Variants in VPS13D observed in about 807,000 individuals in gnomAD.
VPS13D encodes the protein intermembrane lipid transfer protein VPS13D.
Under a neutral mutation model 461.9 loss-of-function variants are expected in VPS13D, and 187 were observed. The observed-to-expected ratio is 0.40, with a 90% CI of 0.36 to 0.46. The LOEUF is 0.46. Ranked by LOEUF, VPS13D falls within the 20% of genes least tolerant of loss-of-function variation. The pLI, the probability that VPS13D is intolerant of heterozygous loss-of-function variation, is 0.60. For synonymous variants in VPS13D, 1,951 were observed against 1,986.3 expected (o/e 0.98, Z 0.47); for missense variants, 4,711 against 5,364.9 (o/e 0.88, Z 3.81).
At chr1:12,422,001 G>C (rs1644870710) in intron 65 of VPS13D, among the ~76,000 whole-genome samples, 1 of 152,094 alleles carries the variant, frequency 6.6e-6, no homozygotes, top group Non-Finnish European at 1.5e-5. Context: ...CGACTAATTT[G>C]TATTTTTAGT....
Position 12,510,777 on chromosome 1 carries a change from A to G in VPS13D, c.*1753A>G, listed in dbSNP as rs1646172881. On this transcript the variant is annotated 3_prime_UTR_variant, in exon 70 of 70. Coordinates refer to ENST00000620676, the MANE Select transcript of VPS13D (RefSeq NM_015378.4). ...GTGATGATTGTCTCAGCACTCACGC[A>G]CTGCACAAGATGGCAGCAGGATACA... 6.6e-6 allele frequency: 1 copy of G among 152,234 alleles called. No homozygotes were observed. The highest frequency in any genetic ancestry group is 1.5e-5 in the Non-Finnish European group (1 of 68,088). 9.4% of individuals were successfully genotyped at this position (152,234 alleles called of 1,614,324 possible).
intron 57 of VPS13D, among the ~76,000 whole-genome samples, chr1:12,379,914 G>T (rs938993464): frequency 9.2e-5 from 14 of 151,962 alleles, no homozygotes; most frequent in African/African-American, 3.1e-4. Flanking sequence ...GACTACAGGT[G>T]CCCGCCACCA....
intron 34 of VPS13D, among the ~76,000 whole-genome samples, chr1:12,323,476 C>T (rs1463323809): frequency 6.6e-6 from 1 of 151,936 alleles, no homozygotes; most frequent in Non-Finnish European, 1.5e-5. Context: ...CCCCCCCACC[C>T]CAATTCCTGG....
At chr1:12,333,508 C>G in intron 38 of VPS13D, 142 bp downstream of exon 38, 1 of 989,270 alleles carries the variant, frequency 1.0e-6, no homozygotes, top group Non-Finnish European at 1.5e-6. Context: ...CCTGATCAAC[C>G]CTAATAGCCT....
At chr1:12,340,540 A>G (rs1162443910) in intron 40 of VPS13D, among the ~76,000 whole-genome samples, 3 of 152,208 alleles carry the variant, frequency 2.0e-5, no homozygotes, top group Admixed American at 2.0e-4. Flanking sequence ...TCCCAGCCTC[A>G]GTCTGGAGGT....
intron 21 of VPS13D, among the ~76,000 whole-genome samples, chr1:12,284,482 A>T (rs1026440149): frequency 6.6e-6 from 1 of 152,242 alleles, no homozygotes; most frequent in African/African-American, 2.4e-5. Flanking sequence ...AAAAAACCAT[A>T]AAAAAGACAG....
At chr1:12,378,144 A>C (rs1262508050) in intron 55 of VPS13D, among the ~76,000 whole-genome samples, 1 of 152,140 alleles carries the variant, frequency 6.6e-6, no homozygotes, top group Non-Finnish European at 1.5e-5. Flanking sequence ...CTAATTTCTA[A>C]AAAAGGAAAA....
intron 60 of VPS13D, among the ~76,000 whole-genome samples, chr1:12,392,232 C>G (rs2101665367): frequency 6.6e-6 from 1 of 152,182 alleles, no homozygotes; most frequent in South Asian, 2.1e-4. Context: ...TGGCTCACAC[C>G]TGTAGTCTCA....
At chr1:12,253,268 G>T (rs1640799831) in intron 6 of VPS13D, among the ~76,000 whole-genome samples, 1 of 152,158 alleles carries the variant, frequency 6.6e-6, no homozygotes. Flanking sequence ...AGGATATATG[G>T]GTAGGTTATA....
intron 49 of VPS13D, among the ~76,000 whole-genome samples, chr1:12,356,863 G>T (rs1268063963): frequency 3.3e-5 from 5 of 152,210 alleles, no homozygotes; most frequent in Non-Finnish European, 7.3e-5. Flanking sequence ...TGGAGCACAG[G>T]CACAGGAGCT....
chr1:12,415,494 A>T (rs1464002071), intron 64 of VPS13D, among the ~76,000 whole-genome samples: 1 of 152,092 alleles, frequency 6.6e-6, no homozygotes, highest in Non-Finnish European at 1.5e-5. Flanking sequence ...GGTTTAGTTG[A>T]TGCTTTAATA....
At chr1:12,263,771 A>G (rs971736526) in intron 13 of VPS13D, among the ~76,000 whole-genome samples, 1 of 152,252 alleles carries the variant, frequency 6.6e-6, no homozygotes, top group Non-Finnish European at 1.5e-5. Context: ...AGTATTAACT[A>G]GCAGATTACT....
At chr1:12,312,693 A>T (rs916503366) in intron 29 of VPS13D, among the ~76,000 whole-genome samples, 1 of 152,206 alleles carries the variant, frequency 6.6e-6, no homozygotes, top group Non-Finnish European at 1.5e-5. Flanking sequence ...CAGGAGATTG[A>T]GGCTGCAGTG....
At chr1:12,419,686 A>G (rs1158642767) in intron 65 of VPS13D, among the ~76,000 whole-genome samples, 6 of 152,122 alleles carry the variant, frequency 3.9e-5, no homozygotes, top group Non-Finnish European at 8.8e-5. Flanking sequence ...TAAGAAATCC[A>G]CCCTTGTAAT....
At chr1:12,236,175 C>G (rs235256) in intron 2 of VPS13D, among the ~76,000 whole-genome samples, 1 of 151,888 alleles carries the variant, frequency 6.6e-6, no homozygotes, top group African/African-American at 2.4e-5. Context: ...CAGGGTAGAA[C>G]AATGCTTTTT....
At position 12,279,995 on chromosome 1, in the gene VPS13D, A is replaced by G. The variant is rs997342979; in HGVS notation, c.4602+345A>G. Among the ~76,000 whole-genome samples the G allele has an allele frequency of 2.6e-5, 4 of 152,260 alleles. No homozygotes were observed. Among genetic ancestry groups the G allele is most frequent in the Admixed American group, 6.5e-5 (1 of 15,298 alleles). The stretch of plus-strand genomic sequence containing the variant: ...TTCTTGTCACACTTAGACATACTTA[A>G]CACAGCCAGTGAAACATTGTGATCA... On this transcript the variant is annotated intron_variant, in intron 20 of 69. Transcript: ENST00000620676. The surrounding 1 kb of genome is among the most constrained non-coding windows in gnomAD (Gnocchi z 4.3).
intron 49 of VPS13D, 126 bp from the exon 50 acceptor site, chr1:12,358,333 T>C (rs540216976): frequency 2.3e-5 from 29 of 1,272,692 alleles, no homozygotes; most frequent in Admixed American, 1.7e-4. Flanking sequence ...CACATGAGAG[T>C]GAGGAAGAGA....
At chr1:12,501,022 C>G (rs953345812) in intron 68 of VPS13D, among the ~76,000 whole-genome samples, 22 of 151,898 alleles carry the variant, frequency 1.4e-4, no homozygotes, top group Non-Finnish European at 2.5e-4. Context: ...CCACTGCACT[C>G]CAGCCTGGGT....
chr1:12,449,636 A>G (rs1198592448), intron 65 of VPS13D, among the ~76,000 whole-genome samples: 2 of 152,216 alleles, frequency 1.3e-5, no homozygotes, highest in African/African-American at 4.8e-5. Flanking sequence ...AACGGAAGTC[A>G]GTGGTGAAGA....
Sources: gnomAD v4.1 joint callset for allele counts (sites outside exome capture counted in the v4.1 genomes callset) on GRCh38, gnomAD v4.1.1 for gene constraint, Gnocchi (gnomAD v3.1) non-coding constraint, MANE v1.5 for transcripts, NCBI Gene and HGNC (gene_info 2026-07-23, HGNC 2026-07-21) for gene names.